Variants in STIM2 observed in about 807,000 individuals in gnomAD.
STIM2 encodes the protein stromal interaction molecule 2.
A neutral mutation model predicts 85.8 loss-of-function variants in STIM2; 31 were observed. The observed-to-expected ratio is 0.36, with a 90% CI of 0.27 to 0.49. STIM2 has a LOEUF of 0.49. Ranked by LOEUF, STIM2 falls within the 20% of genes least tolerant of loss-of-function variation. The pLI, the probability that STIM2 is intolerant of heterozygous loss-of-function variation, is 0.98. For missense variants in STIM2, 841 were observed against 927.6 expected (o/e 0.91, Z 1.21); for synonymous variants, 356 against 331.1 (o/e 1.08, Z -0.82).
intron 1 of STIM2, among the ~76,000 whole-genome samples, chr4:26,892,680 A>G (rs893821039): frequency 6.6e-6 from 1 of 152,128 alleles, no homozygotes; most frequent in African/African-American, 2.4e-5. Flanking sequence ...CATGAATATA[A>G]TGGGTTGTTG....
At position 26,954,968 on chromosome 4, in the gene STIM2, A is replaced by T. The variant is rs965168966; in HGVS notation, c.283-2644A>T. 1.5e-4 allele frequency among the ~76,000 whole-genome samples: 22 copies of T among 146,482 alleles called. 2 individuals are homozygous for T. The highest frequency in any genetic ancestry group is 5.8e-4 in the African/African-American group (22 of 38,220). On this transcript the variant is annotated intron_variant, in intron 2 of 11. Coordinates refer to ENST00000467087, the MANE Select transcript of STIM2 (RefSeq NM_020860.4). ...AATTCATTGTGTTTATTCAATTTTCACCCAACTTTATTAGGAATTTTATTT... is the reference window on the plus strand; with the variant it reads ...AATTCATTGTGTTTATTCAATTTTCTCCCAACTTTATTAGGAATTTTATTT...
chr4:26,958,869 A>G (rs1294036984), intron 3 of STIM2, among the ~76,000 whole-genome samples: 1 of 152,220 alleles, frequency 6.6e-6, no homozygotes, highest in Non-Finnish European at 1.5e-5. Context: ...AGGGAGGTGG[A>G]GATCCATTAC....
chr4:27,008,407 T>G, intron 8 of STIM2, 21 bp from the exon 9 acceptor site: 1 of 1,499,790 alleles, frequency 6.7e-7, no homozygotes, highest in Admixed American at 2.1e-5. Flanking sequence ...CTAGCCTTAT[T>G]TAGTCCTTTT....
At chr4:26,949,173 A>G (rs968681454) in intron 2 of STIM2, among the ~76,000 whole-genome samples, 9 of 152,154 alleles carry the variant, frequency 5.9e-5, no homozygotes, top group Non-Finnish European at 2.9e-5. Flanking sequence ...TAATTTTGAT[A>G]CATTATATTT....
At chr4:26,931,655 A>T (rs1289783286) in intron 2 of STIM2, among the ~76,000 whole-genome samples, 2 of 152,140 alleles carry the variant, frequency 1.3e-5, no homozygotes, top group African/African-American at 4.8e-5. Flanking sequence ...TGACTGAAGG[A>T]TCACTTGACA....
intron 4 of STIM2, among the ~76,000 whole-genome samples, chr4:26,998,509 CTTAA>C (rs1047165462): frequency 7.2e-5 from 11 of 152,056 alleles, no homozygotes; most frequent in Admixed American, 3.3e-4. Flanking sequence ...AAATTGAAAA[CTTAA>C]TTGTTTTTTA....
intron 1 of STIM2, among the ~76,000 whole-genome samples, chr4:26,870,956 G>A (rs973116529): frequency 6.6e-5 from 10 of 151,218 alleles, no homozygotes; most frequent in African/African-American, 1.9e-4. Flanking sequence ...GAATGTATGA[G>A]TTTGTCAGAC....
intron 1 of STIM2, among the ~76,000 whole-genome samples, chr4:26,911,962 G>T (rs1167844609): frequency 1.3e-5 from 2 of 152,144 alleles, no homozygotes; most frequent in African/African-American, 4.8e-5. Flanking sequence ...CCTAGAGAGG[G>T]TATCAGAAGA....
At chr4:26,960,711 G>A (rs1726419176) in intron 3 of STIM2, among the ~76,000 whole-genome samples, 1 of 152,158 alleles carries the variant, frequency 6.6e-6, no homozygotes, top group African/African-American at 2.4e-5. Flanking sequence ...AAATGGGACT[G>A]AAGGAGATTA....
At chr4:26,938,645 G>A (rs1490182601) in intron 2 of STIM2, among the ~76,000 whole-genome samples, 2 of 152,166 alleles carry the variant, frequency 1.3e-5, no homozygotes, top group Non-Finnish European at 2.9e-5. Context: ...ATTGTCGTAA[G>A]GTAAAGTGCT....
intron 3 of STIM2, among the ~76,000 whole-genome samples, chr4:26,990,444 C>G (rs1727728172): frequency 6.6e-6 from 1 of 152,118 alleles, no homozygotes; most frequent in Non-Finnish European, 1.5e-5. Context: ...ATGCAAAAAT[C>G]AACTCAAAAT....
chr4:26,983,674 G>A (rs1305703108), intron 3 of STIM2, among the ~76,000 whole-genome samples: 21 of 152,176 alleles, frequency 1.4e-4, no homozygotes, highest in Admixed American at 1.4e-3. Flanking sequence ...GGCAACTAGA[G>A]TGAAAACTCA....
intron 2 of STIM2, among the ~76,000 whole-genome samples, chr4:26,950,604 C>G (rs935577945): frequency 3.9e-5 from 6 of 152,166 alleles, no homozygotes; most frequent in African/African-American, 1.4e-4. Flanking sequence ...AGTAACAAGG[C>G]ACTCACCAGA....
At chr4:26,880,024 A>G (rs993951467) in intron 1 of STIM2, among the ~76,000 whole-genome samples, 20 of 152,208 alleles carry the variant, frequency 1.3e-4, no homozygotes, top group African/African-American at 4.8e-4. Context: ...TAATCTCAGA[A>G]GTACACATAA....
intron 7 of STIM2, among the ~76,000 whole-genome samples, chr4:27,003,993 A>G (rs1728247767): frequency 6.6e-6 from 1 of 152,228 alleles, no homozygotes; most frequent in African/African-American, 2.4e-5. Context: ...AAACTTGCTC[A>G]AAATTAGAGG....
Position 26,985,194 on chromosome 4 carries a change from G to A in STIM2, c.398-10185G>A, listed in dbSNP as rs1050150713. On this transcript the variant is annotated intron_variant, in intron 3 of 11. Coordinates refer to ENST00000467087, the MANE Select transcript of STIM2 (RefSeq NM_020860.4). ...CCCCAGGAAGTCTATAAAATCAACTGAGTTAGGATGAAATGTGAAAGGCCC... is the reference window on the plus strand; with the variant it reads ...CCCCAGGAAGTCTATAAAATCAACTAAGTTAGGATGAAATGTGAAAGGCCC... Among the ~76,000 whole-genome samples, 5 of 152,140 alleles carry A rather than the reference G, an allele frequency of 3.3e-5. No homozygotes were observed. The East Asian group carries it at 5.8e-4, about 18-fold the overall frequency.
chr4:26,871,414 C>G (rs1301317972), intron 1 of STIM2, among the ~76,000 whole-genome samples: 1 of 151,944 alleles, frequency 6.6e-6, no homozygotes, highest in Non-Finnish European at 1.5e-5. Context: ...TGTCCAATGG[C>G]CTTATGAGTT....
At chr4:26,918,444 C>T (rs1407196277) in intron 1 of STIM2, among the ~76,000 whole-genome samples, 1 of 152,028 alleles carries the variant, frequency 6.6e-6, no homozygotes, top group Non-Finnish European at 1.5e-5. Flanking sequence ...CTAATGACAG[C>T]TAATTGATAG....
At chr4:27,012,469 C>T (rs1196747643) in intron 10 of STIM2, among the ~76,000 whole-genome samples, 1 of 151,310 alleles carries the variant, frequency 6.6e-6, no homozygotes, top group African/African-American at 2.4e-5. Context: ...ATTTTAGGTA[C>T]CTTAATAAAT....
Sources: gnomAD v4.1 joint callset for allele counts (sites outside exome capture counted in the v4.1 genomes callset) on GRCh38, gnomAD v4.1.1 for gene constraint, MANE v1.5 for transcripts, NCBI Gene and HGNC (gene_info 2026-07-23, HGNC 2026-07-21) for gene names.